DIP2B: variants seen among roughly 807,000 people sequenced by gnomAD.
DIP2B encodes the protein disco-interacting protein 2 homolog B.
DIP2B carries 76 observed loss-of-function variants against 198.0 expected under a neutral mutation model. The ratio of observed to expected loss-of-function variants is 0.38; its 90% CI spans 0.32 to 0.46. The LOEUF (loss-of-function observed/expected upper bound fraction) is 0.46, where lower values mean the gene tolerates loss of function less well. Among genes scored for constraint, DIP2B ranks in the 20% least tolerant of loss-of-function variants. The pLI is 0.99. For missense variants in DIP2B, 1,559 were observed against 1,978.4 expected (o/e 0.79, Z 4.02); for synonymous variants, 701 against 739.1 (o/e 0.95, Z 0.84).
intron 21 of DIP2B, among the ~76,000 whole-genome samples, chr12:50,707,499 G>A (rs1220660344): frequency 1.3e-5 from 2 of 152,150 alleles, no homozygotes; most frequent in Admixed American, 6.5e-5. Flanking sequence ...TCTGCTCTCC[G>A]GTGCCTTCCC....
chr12:50,603,047 C>G (rs888758175), intron 1 of DIP2B, among the ~76,000 whole-genome samples: 1 of 142,720 alleles, frequency 7.0e-6, no homozygotes, highest in Non-Finnish European at 1.5e-5. Flanking sequence ...GCCTGTAGTC[C>G]CAGCTACTCG....
intron 1 of DIP2B, among the ~76,000 whole-genome samples, chr12:50,578,477 A>T (rs545678006): frequency 6.6e-6 from 1 of 151,540 alleles, no homozygotes; most frequent in Non-Finnish European, 1.5e-5. Context: ...ACAATATTTC[A>T]ATAATGATAT....
intron 1 of DIP2B, among the ~76,000 whole-genome samples, chr12:50,513,873 CAAA>C (rs58479646): frequency 3.9e-5 from 5 of 127,098 alleles, no homozygotes; most frequent in Admixed American, 1.6e-4. Flanking sequence ...GACTCCGTCT[CAAA>C]AAAAAAAAAA....
chr12:50,518,638 G>A (rs1039508635), intron 1 of DIP2B, among the ~76,000 whole-genome samples: 1 of 152,248 alleles, frequency 6.6e-6, no homozygotes, highest in Admixed American at 6.5e-5. Flanking sequence ...TTTCCACACA[G>A]CCATTTTGAC....
rs551422808 is a variant in DIP2B at position 50,567,467 on chromosome 12, A to G, written c.101-58509A>G. ...TAGTTTCTATTTCTCTGCTGAAAAC[A>G]TCTGTCTTTCAGAGTGTTTACCTTT... On this transcript the variant is annotated intron_variant, in intron 1 of 37. Transcript: ENST00000301180. Among the ~76,000 whole-genome samples, 3 of 152,306 alleles carry G rather than the reference A, an allele frequency of 2.0e-5. No homozygotes were observed. The East Asian group carries it at 5.8e-4, about 29-fold the overall frequency.
intron 1 of DIP2B, among the ~76,000 whole-genome samples, chr12:50,568,621 A>G (rs982031854): frequency 1.3e-5 from 2 of 152,132 alleles, no homozygotes; most frequent in African/African-American, 4.8e-5. Flanking sequence ...CAGGAAACTC[A>G]GTGGAATTGT....
chr12:50,605,056 C>T (rs1958969943), intron 1 of DIP2B, among the ~76,000 whole-genome samples: 1 of 152,110 alleles, frequency 6.6e-6, no homozygotes. Context: ...AGTTTATATA[C>T]ACATACCCAT....
At chr12:50,673,821 A>C (rs1938896909) in intron 5 of DIP2B, among the ~76,000 whole-genome samples, 1 of 152,192 alleles carries the variant, frequency 6.6e-6, no homozygotes, top group Non-Finnish European at 1.5e-5. Context: ...GGTAGAGTAG[A>C]ATAACACTAT....
At position 50,556,119 on chromosome 12, in the gene DIP2B, C is replaced by T. The variant is rs141259525; in HGVS notation, c.100+50879C>T. Among the ~76,000 whole-genome samples, 711 of 151,654 alleles carry T rather than the reference C, an allele frequency of 4.7e-3. 1 individual carries two copies. The highest frequency in any genetic ancestry group is 9.1e-3 in the Admixed American group (138 of 15,234). On this transcript the variant is annotated intron_variant, in intron 1 of 37. Coordinates refer to ENST00000301180, the MANE Select transcript of DIP2B (RefSeq NM_173602.3). ...CCCAAGCTGGAGTGCAGTGGCGCGA[C>T]GCTCACTGTAAGCTCTGCCTCCTGG...
intron 3 of DIP2B, among the ~76,000 whole-genome samples, chr12:50,648,432 C>G (rs1022854846): frequency 1.3e-5 from 2 of 152,126 alleles, no homozygotes; most frequent in South Asian, 2.1e-4. Flanking sequence ...GGCCCGATCT[C>G]GGCTCACTGC....
intron 1 of DIP2B, among the ~76,000 whole-genome samples, chr12:50,558,918 CTCT>C (rs1398559215): frequency 2.0e-5 from 3 of 152,170 alleles, no homozygotes; most frequent in Non-Finnish European, 2.9e-5. Context: ...CAGAGCCTCC[CTCT>C]TCTTCTATGA....
At chr12:50,544,392 C>T (rs1049310501) in intron 1 of DIP2B, among the ~76,000 whole-genome samples, 3 of 152,110 alleles carry the variant, frequency 2.0e-5, no homozygotes, top group East Asian at 3.9e-4. Flanking sequence ...CTGCAACCTC[C>T]GCCACCTGGG....
intron 1 of DIP2B, among the ~76,000 whole-genome samples, chr12:50,604,525 A>G (rs988529953): frequency 6.6e-6 from 1 of 152,120 alleles, no homozygotes; most frequent in Non-Finnish European, 1.5e-5. Flanking sequence ...ATGCATGTTC[A>G]TGGCTCACTA....
chr12:50,579,911 C>T (rs966902866), intron 1 of DIP2B, among the ~76,000 whole-genome samples: 6 of 151,390 alleles, frequency 4.0e-5, no homozygotes, highest in Non-Finnish European at 7.4e-5. Context: ...GGTATGGATA[C>T]AATTCCTGGT....
chr12:50,643,301 G>A (rs1364588332), intron 3 of DIP2B, among the ~76,000 whole-genome samples: 1 of 151,978 alleles, frequency 6.6e-6, no homozygotes, highest in Non-Finnish European at 1.5e-5. Flanking sequence ...GAAAGCGTAT[G>A]CTGTGGATCA....
At position 50,576,698 on chromosome 12, in the gene DIP2B, G is replaced by T. The variant is rs1237794891; in HGVS notation, c.101-49278G>T. Among the ~76,000 whole-genome samples the T allele has an allele frequency of 2.0e-5, 3 of 151,688 alleles. No homozygotes were observed. In the South Asian group the frequency reaches 6.3e-4, roughly 32 times the overall value. On this transcript the variant is annotated intron_variant, in intron 1 of 37. Transcript: ENST00000301180. Reference sequence around the variant, plus strand: ...GGGTTTCACCATGTTAGCCAGGATGGTCTCGATCTCTTGACCTCATGATCT... The same window carrying T: ...GGGTTTCACCATGTTAGCCAGGATGTTCTCGATCTCTTGACCTCATGATCT...
chr12:50,601,097 T>A (rs1024630149), intron 1 of DIP2B, among the ~76,000 whole-genome samples: 1 of 152,182 alleles, frequency 6.6e-6, no homozygotes, highest in African/African-American at 2.4e-5. Context: ...TCTGTTTATC[T>A]GTTATGGTAT....
At chr12:50,578,477 A>G (rs545678006) in intron 1 of DIP2B, among the ~76,000 whole-genome samples, 8 of 151,644 alleles carry the variant, frequency 5.3e-5, no homozygotes, top group Admixed American at 2.0e-4. Flanking sequence ...ACAATATTTC[A>G]ATAATGATAT....
intron 1 of DIP2B, among the ~76,000 whole-genome samples, chr12:50,548,989 T>C (rs1174762550): frequency 1.3e-5 from 2 of 152,232 alleles, no homozygotes; most frequent in Admixed American, 6.5e-5. Context: ...AGGTTACAGC[T>C]TATTCATAAC....
Sources: gnomAD v4.1 joint callset for allele counts (sites outside exome capture counted in the v4.1 genomes callset) on GRCh38, gnomAD v4.1.1 for gene constraint, MANE v1.5 for transcripts, NCBI Gene and HGNC (gene_info 2026-07-23, HGNC 2026-07-21) for gene names.